HOXB3: variants seen among roughly 807,000 people sequenced by gnomAD.
HOXB3 encodes homeobox B3.
HOXB3 carries 17 observed loss-of-function variants against 29.2 expected under a neutral mutation model. That is an observed-to-expected ratio of 0.58 (90% CI 0.40 to 0.87). The LOEUF is 0.87. Ranked by LOEUF, HOXB3 falls within the 40% of genes least tolerant of loss-of-function variation. The pLI is 0.00. For missense variants in HOXB3, 637 were observed against 616.3 expected (o/e 1.03, Z -0.35); for synonymous variants, 317 against 285.9 (o/e 1.11, Z -1.10).
Position 48,550,942 on chromosome 17 carries a change from G to C in HOXB3, c.688C>G (p.Arg230Gly). ...TTCTGGAACCAGATCTTGATCTGCC[G>C]CTCGCTGAGGTTCAGCAGGTTGGCC... ...EMANLLNLSE[R>G]QIKIWFQNRR... is the part of the protein sequence containing the mutation. Residue 230 changes from arginine (R) to glycine (G), a missense_variant, in exon 5 of 5, where the codon CGG (arginine) becomes GGG (glycine). Transcript: ENST00000498678. The C allele has an allele frequency of 6.2e-7, 1 of 1,613,922 alleles. No homozygotes were observed. The highest frequency in any genetic ancestry group is 8.5e-7 in the Non-Finnish European group (1 of 1,179,892).
In HOXB3 at chr17:48,554,519, G is replaced by A; in HGVS notation, c.-159+1012C>T. On this transcript the variant is annotated intron_variant, in intron 3 of 4. Coordinates refer to ENST00000498678, the MANE Select transcript of HOXB3 (RefSeq NM_001384749.1). This position sits in a 1 kb window ranked among gnomAD's most constrained non-coding sequence, Gnocchi z 4.1. The stretch of plus-strand genomic sequence containing the variant: ...AAAGAATGGAGACTCCGCCGGTGGT[G>A]CAGACAGGGCTGGGAAGGTTTGTGC... 4 of 651,066 alleles carry A rather than the reference G, an allele frequency of 6.1e-6. No individual in the cohort carries two copies. The South Asian group carries it at 6.6e-5, about 11-fold the overall frequency. 40.3% of individuals were successfully genotyped at this position (651,066 alleles called of 1,614,324 possible).
At chr17:48,586,388 C>G (rs1597860632) in intron 1 of HOXB3, among the ~76,000 whole-genome samples, 1 of 152,280 alleles carries the variant, frequency 6.6e-6, no homozygotes, top group East Asian at 1.9e-4. Flanking sequence ...AAAGAAAGAA[C>G]GAAAGATCCG....
chr17:48,585,447 C>T (rs2070028577), intron 1 of HOXB3, among the ~76,000 whole-genome samples: 2 of 152,288 alleles, frequency 1.3e-5, no homozygotes, highest in Admixed American at 1.3e-4. Flanking sequence ...GTTCAGTGTC[C>T]CAACGATGCG....
Position 48,554,886 on chromosome 17 carries a change from C to A in HOXB3, c.-159+645G>T, listed in dbSNP as rs986325793. 1.4e-6 allele frequency: 1 copy of A among 696,168 alleles called. No homozygotes were observed. Among genetic ancestry groups the A allele is most frequent in the Non-Finnish European group, 2.6e-6 (1 of 380,692 alleles). 43.1% of individuals were successfully genotyped at this position (696,168 alleles called of 1,614,324 possible). On this transcript the variant is annotated intron_variant, in intron 3 of 4. Transcript: ENST00000498678. This position sits in a 1 kb window ranked among gnomAD's most constrained non-coding sequence, Gnocchi z 4.1. ...AAGAGAGAAAGGTGCTAAGGGGACC[C>A]AAGATCTGGGATCCAGAACAAGAGG...
At chr17:48,577,793 C>T in intron 1 of HOXB3, 3 of 1,291,252 alleles carry the variant, frequency 2.3e-6, no homozygotes, top group East Asian at 5.7e-5. Flanking sequence ...CCCCCCCAAC[C>T]CATGCCTCCG....
chr17:48,574,802 C>A (rs1446787951), intron 1 of HOXB3, among the ~76,000 whole-genome samples: 1 of 152,154 alleles, frequency 6.6e-6, no homozygotes, highest in Non-Finnish European at 1.5e-5. Context: ...GCTATTTGGT[C>A]CCCAGTCATA....
chr17:48,578,088 G>T, intron 1 of HOXB3: 2 of 1,030,542 alleles, frequency 1.9e-6, no homozygotes, highest in Non-Finnish European at 2.5e-6. Flanking sequence ...GGGGGTGGTG[G>T]CGGAGGCGGC....
chr17:48,586,406 C>G (rs545109564), intron 1 of HOXB3, among the ~76,000 whole-genome samples: 1 of 152,182 alleles, frequency 6.6e-6, no homozygotes, highest in Non-Finnish European at 1.5e-5. Flanking sequence ...CCGCCTAAAC[C>G]TGCCGGCGTG....
At chr17:48,552,003 A>G (rs992991144) in intron 4 of HOXB3, 24 bp downstream of exon 4, 2 of 1,537,876 alleles carry the variant, frequency 1.3e-6, no homozygotes, top group Admixed American at 1.9e-5. Context: ...AAAGCTGAGG[A>G]CAAGGAAGGC....
chr17:48,565,347 A>C (rs1168525834), intron 2 of HOXB3, among the ~76,000 whole-genome samples: 2 of 152,194 alleles, frequency 1.3e-5, no homozygotes, highest in Non-Finnish European at 2.9e-5. Context: ...GGCCTACTCT[A>C]GAGGCAGTTG....
chr17:48,552,425 C>A lies in HOXB3; in HGVS notation c.50G>T (p.Gly17Val). ...ATTGCTGCCAGGGTACGAGGAATAG[C>A]CTCCGAAGAGAGCAGCCGCGGCGTT... ...YDNAAAALFGGYSSYPGSNGF... is the reference protein window; with the variant it reads ...YDNAAAALFGVYSSYPGSNGF... Residue 17 changes from glycine (G) to valine (V), a missense_variant, in exon 4 of 5, where the codon GGC (glycine) becomes GTC (valine). Gly to Val is a moderately radical substitution (Grantham distance 109). Coordinates refer to ENST00000498678, the MANE Select transcript of HOXB3 (RefSeq NM_001384749.1). 6.2e-7 allele frequency: 1 copy of A among 1,604,812 alleles called. No homozygotes were observed. The highest frequency in any genetic ancestry group is 8.5e-7 in the Non-Finnish European group (1 of 1,173,866).
chr17:48,569,996 A>C (rs1289869158), intron 2 of HOXB3, among the ~76,000 whole-genome samples: 1 of 152,138 alleles, frequency 6.6e-6, no homozygotes, highest in East Asian at 1.9e-4. Context: ...CTCTCTACCT[A>C]TGTCACACCC....
intron 1 of HOXB3, chr17:48,576,681 C>A: frequency 2.7e-6 from 4 of 1,499,290 alleles, no homozygotes; most frequent in South Asian, 1.3e-5. Flanking sequence ...ACTCACTGCC[C>A]ACCCCCACCC....
intron 1 of HOXB3, among the ~76,000 whole-genome samples, chr17:48,584,926 A>ACCCCC (rs2070017909): frequency 2.5e-5 from 2 of 78,898 alleles, no homozygotes; most frequent in African/African-American, 4.9e-5. Flanking sequence ...CCACCGCCCC[A>ACCCCC]CCCCGCCCCC....
chr17:48,577,871 A>C (rs761617649), intron 1 of HOXB3: 1 of 1,399,466 alleles, frequency 7.1e-7, no homozygotes, highest in African/African-American at 1.5e-5. Flanking sequence ...ACCCGTGCTC[A>C]CGTGAACTTT....
rs1245361808 is a variant in HOXB3 at position 48,550,676 on chromosome 17, C to T, written c.954G>A (p.Pro318=). 5.2e-6 allele frequency: 8 copies of T among 1,528,652 alleles called. No homozygotes were observed. Among genetic ancestry groups the T allele is most frequent in the Admixed American group, 2.1e-5 (1 of 47,268 alleles). The allele number at this position is 1,528,652 out of a possible 1,614,324, so 94.7% of individuals were successfully genotyped here. The part of the protein sequence containing the change: ...YQPPLKGCGA[P]QKYPPTPAPE... ...GCGCCGGGGTCGGAGGGTACTTCTGCGGGGCGCCGCAGCCTTTGAGAGGGG... is the reference window on the plus strand; with the variant it reads ...GCGCCGGGGTCGGAGGGTACTTCTGTGGGGCGCCGCAGCCTTTGAGAGGGG... Residue 318 remains proline, a synonymous_variant, in exon 5 of 5, where the codon CCG becomes CCA. Transcript: ENST00000498678.
intron 1 of HOXB3, chr17:48,581,484 C>T (rs1257547691): frequency 6.6e-6 from 1 of 152,284 alleles, no homozygotes. Context: ...TAGCGTCAAC[C>T]AGGGACCTTT....
At position 48,550,180 on chromosome 17, in the gene HOXB3, C is replaced by G; in HGVS notation, c.*154G>C. On this transcript the variant is annotated 3_prime_UTR_variant, in exon 5 of 5. Transcript: ENST00000498678. ...GAAGACTTAAAAGCAACCTCTCAGG[C>G]CAGGGGGAAGGGAAGGAGCTCCAGG... 2.1e-6 allele frequency: 2 copies of G among 975,108 alleles called. No homozygotes were observed. Among genetic ancestry groups the G allele is most frequent in the Admixed American group, 2.7e-5 (1 of 37,002 alleles). The allele number at this position is 975,108 out of a possible 1,614,324, so 60.4% of individuals were successfully genotyped here.
chr17:48,570,302 A>G (rs1005053132), intron 2 of HOXB3, among the ~76,000 whole-genome samples: 8 of 152,142 alleles, frequency 5.3e-5, no homozygotes, highest in African/African-American at 1.9e-4. Flanking sequence ...ACAAAATAAA[A>G]CAAAAACAAC....
Sources: gnomAD v4.1 joint callset for allele counts (sites outside exome capture counted in the v4.1 genomes callset) on GRCh38, gnomAD v4.1.1 for gene constraint, Gnocchi (gnomAD v3.1) non-coding constraint, MANE v1.5 for transcripts, NCBI Gene and HGNC (gene_info 2026-07-23, HGNC 2026-07-21) for gene names.